POFUT3: variants seen among roughly 807,000 people sequenced by gnomAD.
POFUT3 encodes the protein GDP-fucose protein O-fucosyltransferase 3.
the POFUT3 span, among the ~76,000 whole-genome samples, chr8:33,314,707 T>C: frequency 3.3e-5 from 5 of 152,190 alleles, no homozygotes; most frequent in Admixed American, 6.5e-5. Flanking sequence ...TTGCTCTCTG[T>C]TTTTCGTAGG....
the POFUT3 span, among the ~76,000 whole-genome samples, chr8:33,376,034 AC>A: frequency 6.6e-6 from 1 of 151,678 alleles, no homozygotes; most frequent in Non-Finnish European, 1.5e-5. Context: ...AAAAAAAAAA[AC>A]AACAGGAAAA....
chr8:33,378,198 G>A, the POFUT3 span, among the ~76,000 whole-genome samples: 2 of 152,256 alleles, frequency 1.3e-5, no homozygotes, highest in East Asian at 3.9e-4. Flanking sequence ...TCCTCTGCTA[G>A]GGGAATTCAG....
At chr8:33,420,550 T>C in the POFUT3 span, among the ~76,000 whole-genome samples, 1 of 152,192 alleles carries the variant, frequency 6.6e-6, no homozygotes, top group Non-Finnish European at 1.5e-5. Context: ...GTTTCAATTA[T>C]AACATCTCAT....
chr8:33,366,552 T>C, the POFUT3 span, among the ~76,000 whole-genome samples: 4 of 152,268 alleles, frequency 2.6e-5, no homozygotes, highest in Non-Finnish European at 5.9e-5. Flanking sequence ...CATGTCATTA[T>C]TTCTGCATTT....
chr8:33,372,209 A>G, the POFUT3 span: 1 of 1,005,034 alleles, frequency 9.9e-7, no homozygotes, highest in Non-Finnish European at 1.2e-6. Context: ...AAATACCAAT[A>G]AGCTGTTGAG....
chr8:33,363,918 T>A, the POFUT3 span, among the ~76,000 whole-genome samples: 1 of 152,190 alleles, frequency 6.6e-6, no homozygotes, highest in South Asian at 2.1e-4. Flanking sequence ...TAACTCATTT[T>A]ATGAGGCTAA....
At chr8:33,456,719 T>G in the POFUT3 span, among the ~76,000 whole-genome samples, 1 of 151,918 alleles carries the variant, frequency 6.6e-6, no homozygotes, top group Admixed American at 6.6e-5. Context: ...TTTTTAAAAG[T>G]CCATGACATG....
At chr8:33,372,601 A>G in the POFUT3 span, 1 of 1,613,896 alleles carries the variant, frequency 6.2e-7, no homozygotes, top group Middle Eastern at 1.7e-4. Context: ...CTAGGCCCCA[A>G]AACTCTTGAG....
chr8:33,450,463 G>A, the POFUT3 span, among the ~76,000 whole-genome samples: 19 of 152,168 alleles, frequency 1.2e-4, no homozygotes, highest in Non-Finnish European at 2.6e-4. Flanking sequence ...ATTCTGACAG[G>A]ACAAATACGA....
chr8:33,383,708 C>T, the POFUT3 span, among the ~76,000 whole-genome samples: 1 of 151,890 alleles, frequency 6.6e-6, no homozygotes, highest in East Asian at 1.9e-4. Flanking sequence ...CTGAGGCAGG[C>T]GAATTGCTTG....
At chr8:33,389,800 TAGG>T in the POFUT3 span, 1 of 1,591,810 alleles carries the variant, frequency 6.3e-7, no homozygotes, top group South Asian at 1.1e-5. Flanking sequence ...AGTCAGTACC[TAGG>T]AGAAGAAAAT....
At chr8:33,471,648 CTA>C in the POFUT3 span, among the ~76,000 whole-genome samples, 10 of 152,126 alleles carry the variant, frequency 6.6e-5, no homozygotes, top group African/African-American at 2.2e-4. Flanking sequence ...TTTTTCCAAA[CTA>C]TATTCTTTTT....
At chr8:33,441,526 G>A in the POFUT3 span, among the ~76,000 whole-genome samples, 2 of 151,534 alleles carry the variant, frequency 1.3e-5, no homozygotes, top group Non-Finnish European at 2.9e-5. Context: ...GACTATAGGT[G>A]TGCACCACCA....
At chr8:33,309,167 A>ATATAT in the POFUT3 span, among the ~76,000 whole-genome samples, 1 of 53,688 alleles carries the variant, frequency 1.9e-5, no homozygotes, top group African/African-American at 9.2e-5. Context: ...AAAAAAAAAA[A>ATATAT]ATATATATAT....
At chr8:33,314,520 C>A in the POFUT3 span, among the ~76,000 whole-genome samples, 1 of 152,092 alleles carries the variant, frequency 6.6e-6, no homozygotes, top group Non-Finnish European at 1.5e-5. Context: ...TAAATGGAGT[C>A]AAAAATAGTA....
chr8:33,410,297 T>C, the POFUT3 span, among the ~76,000 whole-genome samples: 1 of 152,164 alleles, frequency 6.6e-6, no homozygotes. Context: ...CTTTGATTGT[T>C]AGAGTGTTAG....
chr8:33,381,863 T>C, the POFUT3 span, among the ~76,000 whole-genome samples: 4 of 152,314 alleles, frequency 2.6e-5, no homozygotes, highest in South Asian at 8.3e-4. Flanking sequence ...CAAAGCTTAT[T>C]CCTTTAATAA....
chr8:33,471,321 C>T, the POFUT3 span, among the ~76,000 whole-genome samples: 2 of 152,112 alleles, frequency 1.3e-5, no homozygotes, highest in Non-Finnish European at 2.9e-5. Flanking sequence ...AGTCTTGGCT[C>T]ACCGCAACTT....
At chr8:33,311,042 G>T in the POFUT3 span, among the ~76,000 whole-genome samples, 10 of 152,192 alleles carry the variant, frequency 6.6e-5, no homozygotes, top group African/African-American at 2.2e-4. Flanking sequence ...CTCCTTGTCA[G>T]AGGCTGGGAA....
Sources: gnomAD v4.1 joint callset for allele counts (sites outside exome capture counted in the v4.1 genomes callset) on GRCh38, gnomAD v4.1.1 for gene constraint, MANE v1.5 for transcripts, NCBI Gene and HGNC (gene_info 2026-07-23, HGNC 2026-07-21) for gene names.